The following MAGI3 variants were observed in gnomAD, a reference collection of about 807,000 sequenced individuals.
MAGI3 encodes membrane associated guanylate kinase, WW and PDZ domain containing 3.
MAGI3 carries 43 observed loss-of-function variants against 121.8 expected under a neutral mutation model. That is an observed-to-expected ratio of 0.35 (90% CI 0.28 to 0.46). MAGI3 has a LOEUF of 0.46. Ranked by LOEUF, MAGI3 falls within the 20% of genes least tolerant of loss-of-function variation. The pLI is 1.00. For missense variants in MAGI3, 1,547 were observed against 1,797.3 expected (o/e 0.86, Z 2.52); for synonymous variants, 553 against 639.3 (o/e 0.86, Z 2.04).
intron 1 of MAGI3, among the ~76,000 whole-genome samples, chr1:113,473,369 CTCA>C (rs1302841739): frequency 6.6e-6 from 1 of 152,010 alleles, no homozygotes; most frequent in Non-Finnish European, 1.5e-5. Flanking sequence ...GATCAACTAA[CTCA>C]TCATTTACAT....
In MAGI3 at chr1:113,405,474, C is replaced by CAAAAAAAAAAAAAAAA. The variant is rs5777158; in HGVS notation, c.316+14138_316+14153dup. Among the ~76,000 whole-genome samples the CAAAAAAAAAAAAAAAA allele has an allele frequency of 1.7e-4, 9 of 54,350 alleles. 1 individual carries two copies. The highest frequency in any genetic ancestry group is 3.0e-4 in the African/African-American group (4 of 13,376). 35.7% of individuals were successfully genotyped at this position (54,350 alleles called of 152,430 possible). A position where few individuals can be genotyped will look rare whatever the true frequency, so the allele number is the denominator to read the frequency against. ...CCTGGGCAACAGAGTGAAACTGTCT[C>CAAAAAAAAAAAAAAAA]AAAAAAAAAAAAAAAAAAAAAAAAA... On this transcript the variant is annotated intron_variant, in intron 1 of 20. Transcript: ENST00000307546.
chr1:113,602,043 A>C (rs902801740), intron 6 of MAGI3, among the ~76,000 whole-genome samples: 3 of 152,032 alleles, frequency 2.0e-5, no homozygotes, highest in Non-Finnish European at 4.4e-5. Flanking sequence ...GGACACAGGA[A>C]GGGGAACATC....
chr1:113,516,731 C>G (rs1200511847), intron 1 of MAGI3, among the ~76,000 whole-genome samples: 1 of 151,872 alleles, frequency 6.6e-6, no homozygotes, highest in African/African-American at 2.4e-5. Flanking sequence ...GACTTCCTTC[C>G]AAAGAGCACA....
chr1:113,437,877 TCTC>T (rs1653689402), intron 1 of MAGI3, among the ~76,000 whole-genome samples: 3 of 3,522 alleles, frequency 8.5e-4, no homozygotes, highest in East Asian at 0.017. Context: ...TTCTTCTTCT[TCTC>T]CTTCTCCTTC....
intron 1 of MAGI3, among the ~76,000 whole-genome samples, chr1:113,479,887 T>C (rs1470786806): frequency 6.6e-6 from 1 of 152,174 alleles, no homozygotes; most frequent in African/African-American, 2.4e-5. Flanking sequence ...AAGCTCTCTA[T>C]GGAATTTTTC....
chr1:113,474,045 G>C (rs968392139), intron 1 of MAGI3, among the ~76,000 whole-genome samples: 1 of 152,152 alleles, frequency 6.6e-6, no homozygotes, highest in Non-Finnish European at 1.5e-5. Flanking sequence ...TCATGTGTCT[G>C]TTGGGTGCAT....
chr1:113,640,447 A>T (rs1652384192), intron 9 of MAGI3, among the ~76,000 whole-genome samples: 1 of 152,214 alleles, frequency 6.6e-6, no homozygotes. Context: ...TTATTGCAGC[A>T]CTATTTACAA....
chr1:113,477,818 GTGTT>G (rs1431134892), intron 1 of MAGI3, among the ~76,000 whole-genome samples: 1 of 152,232 alleles, frequency 6.6e-6, no homozygotes, highest in African/African-American at 2.4e-5. Flanking sequence ...ATCCTGAAGA[GTGTT>G]TGCCAACTTA....
chr1:113,623,447 C>CACACAT (rs1293632757), intron 9 of MAGI3, among the ~76,000 whole-genome samples: 1 of 74,952 alleles, frequency 1.3e-5, no homozygotes, highest in Non-Finnish European at 2.7e-5. Flanking sequence ...TATATATACA[C>CACACAT]ACACATACAC....
chr1:113,583,212 T>C (rs955117715), intron 3 of MAGI3, among the ~76,000 whole-genome samples: 1 of 151,916 alleles, frequency 6.6e-6, no homozygotes, highest in African/African-American at 2.4e-5. Flanking sequence ...TTGTTACATA[T>C]GTATACATGT....
rs528813696 is a variant in MAGI3 at position 113,562,232 on chromosome 1, C to G, written c.433+12601C>G. Among the ~76,000 whole-genome samples the G allele has an allele frequency of 2.6e-3, 397 of 152,188 alleles. 1 individual carries two copies. The highest frequency in any genetic ancestry group is 8.3e-3 in the African/African-American group (344 of 41,520). On this transcript the variant is annotated intron_variant, in intron 2 of 20. Coordinates refer to ENST00000307546, the MANE Select transcript of MAGI3 (RefSeq NM_001142782.2). ...CATCCTGGCTAACACGGTGAAACCC[C>G]GTCTCTACCAAAACAAAAAAATTAG...
In MAGI3 at chr1:113,548,976, T is replaced by G. The variant is rs72986647; in HGVS notation, c.317-539T>G. Among the ~76,000 whole-genome samples the G allele has an allele frequency of 1.8e-3, 271 of 152,298 alleles. 2 individuals are homozygous for G. Among genetic ancestry groups the G allele is most frequent in the African/African-American group, 6.2e-3 (257 of 41,552 alleles). ...GAGAAATCAAGGATGACTTCTAGAT[T>G]TCGAGATTGTTTTGCAAGTTGATGG... On this transcript the variant is annotated intron_variant, in intron 1 of 20. Transcript: ENST00000307546.
At chr1:113,554,740 G>A (rs770518749) in intron 2 of MAGI3, among the ~76,000 whole-genome samples, 1 of 151,982 alleles carries the variant, frequency 6.6e-6, no homozygotes, top group African/African-American at 2.4e-5. Flanking sequence ...TAAGTGCACA[G>A]ATCTAAGAAG....
intron 1 of MAGI3, among the ~76,000 whole-genome samples, chr1:113,454,585 T>A (rs1385510727): frequency 6.6e-6 from 1 of 152,156 alleles, no homozygotes; most frequent in Non-Finnish European, 1.5e-5. Context: ...TCATGGTGGT[T>A]TGCTGCACCC....
intron 1 of MAGI3, among the ~76,000 whole-genome samples, chr1:113,531,267 A>G (rs528591565): frequency 6.6e-6 from 1 of 152,370 alleles, no homozygotes; most frequent in South Asian, 2.1e-4. Flanking sequence ...ACAATTATTT[A>G]GAATTTAGAA....
intron 6 of MAGI3, among the ~76,000 whole-genome samples, chr1:113,600,232 C>T (rs546234721): frequency 1.8e-4 from 28 of 152,216 alleles, no homozygotes; most frequent in African/African-American, 6.7e-4. Context: ...GGCAATTAGG[C>T]AGGAGAAGGA....
At chr1:113,504,153 G>C (rs2101599431) in intron 1 of MAGI3, among the ~76,000 whole-genome samples, 1 of 152,058 alleles carries the variant, frequency 6.6e-6, no homozygotes, top group African/African-American at 2.4e-5. Context: ...TATTTAAGTA[G>C]GAACCATCTT....
chr1:113,667,153 C>T (rs189008262), intron 16 of MAGI3, among the ~76,000 whole-genome samples: 29 of 152,226 alleles, frequency 1.9e-4, no homozygotes, highest in African/African-American at 6.5e-4. Flanking sequence ...CTGCATTAGC[C>T]CCTAGCAAGA....
At chr1:113,404,771 A>T (rs919230456) in intron 1 of MAGI3, among the ~76,000 whole-genome samples, 10 of 152,140 alleles carry the variant, frequency 6.6e-5, no homozygotes, top group African/African-American at 2.2e-4. Flanking sequence ...CATGATGTAG[A>T]ACTGAGTGGT....
Sources: allele counts gnomAD v4.1 joint callset (sites outside exome capture counted in the v4.1 genomes callset), GRCh38; gene constraint gnomAD v4.1.1; transcripts MANE v1.5; gene names NCBI Gene and HGNC (gene_info 2026-07-23, HGNC 2026-07-21).